The following GRIA3 variants were observed in gnomAD, a reference collection of about 807,000 sequenced individuals.
GRIA3 encodes glutamate ionotropic receptor AMPA type subunit 3.
GRIA3 carries 3 observed loss-of-function variants against 63.0 expected under a neutral mutation model. That is an observed-to-expected ratio of 0.05 (90% CI 0.02 to 0.12). The LOEUF is 0.12. Ranked by LOEUF, GRIA3 falls within the 10% of genes least tolerant of loss-of-function variation. GRIA3 has a pLI of 1.00. For missense variants in GRIA3, 347 were observed against 700.9 expected, an observed-to-expected ratio of 0.50 and a Z score of 5.70; for synonymous variants, 274 against 257.9, an observed-to-expected ratio of 1.06 and a Z score of -0.60.
intron 2 of GRIA3, among the ~76,000 whole-genome samples, chrX:123,229,116 C>T (rs923123751): frequency 3.6e-5 from 4 of 110,972 alleles, no homozygotes; most frequent in Non-Finnish European, 7.6e-5. Flanking sequence ...ATCTGAGAGC[C>T]GGAAGATTTC....
chrX:123,204,271 T>A (rs963385861), intron 2 of GRIA3: 1 of 548,518 alleles, frequency 1.8e-6, no homozygotes, highest in Non-Finnish European at 3.2e-6. Context: ...TTTGACCACC[T>A]CATGGAACCA....
intron 4 of GRIA3, among the ~76,000 whole-genome samples, chrX:123,336,151 C>G (rs1328455797): frequency 9.0e-6 from 1 of 111,646 alleles, no homozygotes; most frequent in African/African-American, 3.3e-5. Flanking sequence ...GCCACAGGAC[C>G]CTTATGTTTA....
chrX:123,340,191 C>T (rs992520657), intron 4 of GRIA3, among the ~76,000 whole-genome samples: 16 of 112,404 alleles, frequency 1.4e-4, no homozygotes, highest in Non-Finnish European at 1.5e-4. Context: ...CACATCCCAC[C>T]CAACTGTCTG....
At chrX:123,255,571 C>T (rs2044415158) in intron 3 of GRIA3, among the ~76,000 whole-genome samples, 1 of 105,650 alleles carries the variant, frequency 9.5e-6, no homozygotes, top group South Asian at 4.5e-4. Flanking sequence ...AAGCAGAAGA[C>T]ACAATTAATG....
intron 12 of GRIA3, among the ~76,000 whole-genome samples, chrX:123,428,988 G>T (rs764965908): frequency 1.8e-5 from 2 of 111,645 alleles, no homozygotes; most frequent in South Asian, 7.6e-4. Context: ...AGAAAAATAT[G>T]CTAATTTAGA....
At chrX:123,295,963 G>A (rs909258294) in intron 3 of GRIA3, among the ~76,000 whole-genome samples, 3 of 111,476 alleles carry the variant, frequency 2.7e-5, no homozygotes, top group African/African-American at 9.8e-5. Flanking sequence ...ACATGGAGCA[G>A]TATTTCTCTC....
chrX:123,319,054 C>T (rs2044851265), intron 3 of GRIA3, among the ~76,000 whole-genome samples: 1 of 111,657 alleles, frequency 9.0e-6, no homozygotes, highest in Non-Finnish European at 1.9e-5. Flanking sequence ...TCTTGTGAAA[C>T]TTATTCACTA....
chrX:123,286,440 G>C (rs1254329158), intron 3 of GRIA3, among the ~76,000 whole-genome samples: 1 of 108,697 alleles, frequency 9.2e-6, no homozygotes, highest in African/African-American at 3.3e-5. Flanking sequence ...AAAGGAGATA[G>C]AGACACGAAA....
chrX:123,186,109 G>A, intron 2 of GRIA3, 119 bp downstream of exon 2: 1 of 588,458 alleles, frequency 1.7e-6, no homozygotes, highest in Non-Finnish European at 2.9e-6. Context: ...TATTTTAGGG[G>A]CTCTAATCCA....
intron 2 of GRIA3, among the ~76,000 whole-genome samples, chrX:123,232,946 C>A (rs770313859): frequency 9.0e-6 from 1 of 110,839 alleles, no homozygotes; most frequent in South Asian, 3.9e-4. Context: ...AATAAATCTA[C>A]CCCCAAAGTG....
At chrX:123,205,795 T>C (rs978780372) in intron 2 of GRIA3, among the ~76,000 whole-genome samples, 81 of 111,790 alleles carry the variant, frequency 7.2e-4, no homozygotes, top group African/African-American at 2.6e-3. Flanking sequence ...AGGGGTGATA[T>C]ATGAGGTCCA....
intron 3 of GRIA3, among the ~76,000 whole-genome samples, chrX:123,296,054 A>T (rs1228130920): frequency 1.8e-5 from 2 of 111,493 alleles, no homozygotes; most frequent in South Asian, 7.5e-4. Context: ...TTTTATTTCA[A>T]TGTGTGCAAA....
chrX:123,357,599 G>A (rs2045141895), intron 5 of GRIA3, among the ~76,000 whole-genome samples: 1 of 108,767 alleles, frequency 9.2e-6, no homozygotes, highest in Non-Finnish European at 1.9e-5. Context: ...AGCTTTTATT[G>A]CAATTTTGAG....
chrX:123,184,335 G>A lies in GRIA3; in HGVS notation c.-201G>A. The A allele has an allele frequency of 2.2e-6, 1 of 460,343 alleles. No individual in the cohort carries two copies. The allele number at this position is 460,343 out of a possible 1,213,427, so 37.9% of individuals were successfully genotyped here. A position where few individuals can be genotyped will look rare whatever the true frequency, so the allele number is the denominator to read the frequency against. On this transcript the variant is annotated 5_prime_UTR_variant, in exon 1 of 16. Coordinates refer to ENST00000620443, the MANE Select transcript of GRIA3 (RefSeq NM_007325.5). ...GAGCGAATAAGAGAGAGAGTAAGAG[G>A]GAGAGAGAAGAAGAGGAAGAAGAGG...
rs185609303 is a variant in GRIA3, at chrX:123,274,968, A to G, written c.508+21426A>G. Among the ~76,000 whole-genome samples, 325 of 111,551 alleles carry G rather than the reference A, an allele frequency of 2.9e-3. 1 individual carries two copies. Among genetic ancestry groups the G allele is most frequent in the African/African-American group, 9.1e-3 (279 of 30,726 alleles). ...GCACTAGGCTCCTGCTAGTCAGTCC[A>G]GTCCAGTGGCTAACGCACCTACCAA... On this transcript the variant is annotated intron_variant, in intron 3 of 15. Transcript: ENST00000620443.
Position 123,398,720 on chromosome X carries a change from C to T in GRIA3, c.997C>T (p.Arg333Trp). 2.5e-6 allele frequency: 3 copies of T among 1,207,307 alleles called. No individual in the cohort carries two copies. Among genetic ancestry groups the T allele is most frequent in the East Asian group, 3.0e-5 (1 of 33,800 alleles). ...YLRRQRVDVSRRGSAGDCLAN... is the reference protein window; with the variant it reads ...YLRRQRVDVSWRGSAGDCLAN... Reference sequence around the variant, plus strand: ...GAGGAGGCAGCGAGTAGATGTGTCCCGGAGAGGAAGTGCTGGAGACTGCTT... The same window carrying T: ...GAGGAGGCAGCGAGTAGATGTGTCCTGGAGAGGAAGTGCTGGAGACTGCTT... The change falls in exon 7 of 16, where the codon CGG (arginine) becomes TGG (tryptophan). Residue 333 changes from arginine to tryptophan, a missense_variant. Transcript: ENST00000620443.
chrX:123,242,687 T>C (rs1441339828), intron 2 of GRIA3, among the ~76,000 whole-genome samples: 2 of 112,361 alleles, frequency 1.8e-5, no homozygotes, highest in East Asian at 5.6e-4. Context: ...ACTTTTGTAA[T>C]TTTTAAAAGG....
At chrX:123,485,059 T>C (rs991718054) in intron 15 of GRIA3, among the ~76,000 whole-genome samples, 29 of 112,641 alleles carry the variant, frequency 2.6e-4, no homozygotes, top group African/African-American at 8.4e-4. Flanking sequence ...AATGTTTCAA[T>C]GTGCTTAAAA....
chrX:123,263,747 T>C (rs2044472850), intron 3 of GRIA3, among the ~76,000 whole-genome samples: 1 of 112,660 alleles, frequency 8.9e-6, no homozygotes, highest in Non-Finnish European at 1.9e-5. Context: ...ATTTAAATTT[T>C]TAATATGCTT....
Sources: allele counts gnomAD v4.1 joint callset (sites outside exome capture counted in the v4.1 genomes callset), GRCh38; gene constraint gnomAD v4.1.1; transcripts MANE v1.5; gene names NCBI Gene and HGNC (gene_info 2026-07-23, HGNC 2026-07-21).